Variants in USP47 observed in about 807,000 individuals in gnomAD.
The protein encoded by USP47 is ubiquitin carboxyl-terminal hydrolase 47.
USP47 carries 35 observed loss-of-function variants against 165.1 expected under a neutral mutation model. The observed-to-expected ratio is 0.21, with a 90% CI of 0.16 to 0.28. USP47 has a LOEUF of 0.28. Ranked by LOEUF, USP47 falls within the 10% of genes least tolerant of loss-of-function variation. The probability of loss-of-function intolerance (pLI) is 1.00; values close to 1 mark genes in which losing one functional copy is unlikely to be tolerated. For synonymous variants in USP47, 531 were observed against 544.5 expected (o/e 0.98, Z 0.35); for missense variants, 1,277 against 1,607.4 (o/e 0.79, Z 3.52).
At chr11:11,862,073 G>A (rs547500385) in intron 1 of USP47, among the ~76,000 whole-genome samples, 3 of 149,936 alleles carry the variant, frequency 2.0e-5, no homozygotes, top group African/African-American at 4.9e-5. Context: ...AATTAAAAGA[G>A]CCAATTAAAG....
At chr11:11,855,898 G>A (rs1048434453) in intron 1 of USP47, among the ~76,000 whole-genome samples, 5 of 152,156 alleles carry the variant, frequency 3.3e-5, no homozygotes, top group African/African-American at 1.2e-4. Flanking sequence ...CTAGACTAAT[G>A]GAAGAGACAA....
intron 1 of USP47, among the ~76,000 whole-genome samples, chr11:11,870,917 A>G (rs1849996603): frequency 6.6e-6 from 1 of 152,054 alleles, no homozygotes; most frequent in South Asian, 2.1e-4. Context: ...TATGGGTCAT[A>G]GTTTCCTGCT....
intron 4 of USP47, among the ~76,000 whole-genome samples, chr11:11,897,078 A>G (rs1011775245): frequency 1.3e-5 from 2 of 150,262 alleles, no homozygotes; most frequent in East Asian, 1.9e-4. Context: ...GTTTGCATGT[A>G]GTGAATTTAT....
rs571067571 is a variant in USP47 at position 11,961,565 on chromosome 11, G to T, written c.*5390G>T. ...GCCTCCAGAGGAATGCAGCCCTGTTGATCACATGATCACCAGATGGCTGCC... is the reference window on the plus strand; with the variant it reads ...GCCTCCAGAGGAATGCAGCCCTGTTTATCACATGATCACCAGATGGCTGCC... On this transcript the variant is annotated 3_prime_UTR_variant, in exon 28 of 28. Transcript: ENST00000527733. 6.6e-6 allele frequency among the ~76,000 whole-genome samples: 1 copy of T among 152,182 alleles called. No homozygotes were observed. Among genetic ancestry groups the T allele is most frequent in the Admixed American group, 6.5e-5 (1 of 15,278 alleles).
chr11:11,952,816 A>G lies in USP47; in HGVS notation c.3659A>G (p.Asp1220Gly). The change falls in exon 25 of 28, where the codon GAT becomes GGT. Residue 1220 changes from aspartate to glycine, a missense_variant. By Grantham distance (94) the Asp-to-Gly change is moderately conservative. Transcript: ENST00000527733. ...RRWKPSEMKL[D>G]PFQEVVLESS... ...TGGAAGCCTTCAGAGATGAAGTTGG[A>G]TCCCTTCCAGGAGGTTGTATTGGAA... is the stretch of plus-strand genomic sequence containing the variant. 2 of 1,613,116 alleles carry G rather than the reference A, an allele frequency of 1.2e-6. No homozygotes were observed. Among genetic ancestry groups the G allele is most frequent in the Non-Finnish European group, 1.7e-6 (2 of 1,179,428 alleles).
At chr11:11,874,475 T>C (rs1482675984) in intron 1 of USP47, among the ~76,000 whole-genome samples, 1 of 142,168 alleles carries the variant, frequency 7.0e-6, no homozygotes, top group Admixed American at 6.7e-5. Flanking sequence ...TAAAGTCTCT[T>C]TTTTTAATGT....
chr11:11,846,738 G>A (rs567348500), intron 1 of USP47, among the ~76,000 whole-genome samples: 1 of 152,062 alleles, frequency 6.6e-6, no homozygotes, highest in Admixed American at 6.5e-5. Context: ...TATTTCTATT[G>A]TCTGACTTCT....
intron 8 of USP47, among the ~76,000 whole-genome samples, chr11:11,909,273 A>G (rs1852792099): frequency 1.3e-5 from 2 of 152,176 alleles, no homozygotes; most frequent in Admixed American, 1.3e-4. Flanking sequence ...TACTTGTAGT[A>G]ATCTTTAAAT....
At position 11,940,422 on chromosome 11, in the gene USP47, A is replaced by C; in HGVS notation, c.2194-7A>C. The C allele has an allele frequency of 6.2e-7, 1 of 1,603,746 alleles. No individual in the cohort carries two copies. ...GAGTACTTTTTATTAAATTGCTTTC[A>C]TTATAGGCCATCCATTTACCTGCTG... is the stretch of plus-strand genomic sequence containing the variant. On this transcript the variant is annotated splice_polypyrimidine_tract_variant and splice_region_variant and intron_variant, in intron 18 of 27. Transcript: ENST00000527733.
chr11:11,942,757 T>G lies in USP47; in HGVS notation c.2736T>G (p.Thr912=). The change falls in exon 20 of 28, where the codon ACT becomes ACG. Residue 912 remains threonine (T), a synonymous_variant. Transcript: ENST00000527733. ...DNRELEQHIQ[T]SDPENFQSEE... Reference sequence around the variant, plus strand: ...GAGAACTTGAACAGCATATTCAGACTTCTGATCCAGAAAATTTTCAGTCTG... The same window carrying G: ...GAGAACTTGAACAGCATATTCAGACGTCTGATCCAGAAAATTTTCAGTCTG... 6.2e-7 allele frequency: 1 copy of G among 1,613,632 alleles called. No individual in the cohort carries two copies. The highest frequency in any genetic ancestry group is 1.1e-5 in the South Asian group (1 of 91,072).
intron 24 of USP47, 100 bp from the exon 25 acceptor site, chr11:11,952,641 C>A: frequency 7.7e-7 from 1 of 1,294,182 alleles, no homozygotes. Flanking sequence ...AAGAGTAACA[C>A]TTGAAGTAAA....
intron 3 of USP47, among the ~76,000 whole-genome samples, chr11:11,890,797 T>C (rs920455193): frequency 6.6e-5 from 10 of 152,170 alleles, no homozygotes; most frequent in Admixed American, 5.9e-4. Context: ...AAAGAAAATA[T>C]GGTTCATATA....
intron 4 of USP47, among the ~76,000 whole-genome samples, chr11:11,895,851 G>C (rs980666284): frequency 2.2e-4 from 33 of 152,026 alleles, no homozygotes; most frequent in African/African-American, 7.7e-4. Flanking sequence ...GTTCTGTTTA[G>C]GATTTCTTTT....
chr11:11,934,045 G>A, intron 16 of USP47, 110 bp downstream of exon 16: 2 of 749,208 alleles, frequency 2.7e-6, no homozygotes, highest in Non-Finnish European at 2.2e-6. Context: ...AGTAACCTTG[G>A]TAACTGGTTA....
At chr11:11,934,029 A>G in intron 16 of USP47, 94 bp downstream of exon 16, 3 of 850,128 alleles carry the variant, frequency 3.5e-6, no homozygotes, top group South Asian at 3.0e-5. Flanking sequence ...TTATATAAAC[A>G]CTGGCAGTAA....
At chr11:11,937,001 C>T (rs1855120112) in intron 17 of USP47, among the ~76,000 whole-genome samples, 1 of 151,882 alleles carries the variant, frequency 6.6e-6, no homozygotes, top group Non-Finnish European at 1.5e-5. Flanking sequence ...GTCATCCTCT[C>T]TATTTCTACA....
chr11:11,851,556 A>G (rs1848728613), intron 1 of USP47, among the ~76,000 whole-genome samples: 1 of 152,172 alleles, frequency 6.6e-6, no homozygotes, highest in Non-Finnish European at 1.5e-5. Flanking sequence ...TTTTATCTTA[A>G]CATCTTATAT....
intron 7 of USP47, among the ~76,000 whole-genome samples, chr11:11,903,616 T>A (rs559957514): frequency 6.6e-6 from 1 of 152,304 alleles, no homozygotes; most frequent in East Asian, 1.9e-4. Context: ...ATTATACATT[T>A]AAAAACTGTA....
intron 1 of USP47, among the ~76,000 whole-genome samples, chr11:11,872,361 T>G (rs1358992288): frequency 6.6e-6 from 1 of 152,214 alleles, no homozygotes; most frequent in African/African-American, 2.4e-5. Context: ...TTGAAAATCA[T>G]GCTGTGTATT....
Sources: allele counts gnomAD v4.1 joint callset (sites outside exome capture counted in the v4.1 genomes callset), GRCh38; gene constraint gnomAD v4.1.1; transcripts MANE v1.5; gene names NCBI Gene and HGNC (gene_info 2026-07-23, HGNC 2026-07-21).